The following PPP3CA variants were observed in gnomAD, a reference collection of about 807,000 sequenced individuals.
PPP3CA encodes the protein CAM-PRP catalytic subunit.
In PPP3CA, 14 loss-of-function variants were observed where a neutral mutation model predicts 66.5. That is an observed-to-expected ratio of 0.21 (90% confidence interval 0.14 to 0.33). PPP3CA has a LOEUF of 0.33. Among genes scored for constraint, PPP3CA ranks in the 10% least tolerant of loss-of-function variants. The pLI is 1.00. For synonymous variants in PPP3CA, 232 were observed against 226.2 expected, an observed-to-expected ratio of 1.03 and a Z score of -0.23; for missense variants, 317 against 639.5, an observed-to-expected ratio of 0.50 and a Z score of 5.44.
intron 10 of PPP3CA, among the ~76,000 whole-genome samples, chr4:101,042,224 G>T: frequency 7.6e-6 from 1 of 130,784 alleles, no homozygotes; most frequent in East Asian, 2.2e-4. Context: ...GAAAACATAT[G>T]GGTCACTTTC....
Position 101,131,531 on chromosome 4 carries a change from T to C in PPP3CA, c.260-22453A>G, listed in dbSNP as rs1722439118. Among the ~76,000 whole-genome samples, 3 of 150,100 alleles carry C rather than the reference T, an allele frequency of 2.0e-5. No homozygotes were observed. In the South Asian group the frequency reaches 6.3e-4, roughly 31 times the overall value. On this transcript the variant is annotated intron_variant, in intron 2 of 13. Coordinates refer to ENST00000394854, the MANE Select transcript of PPP3CA (RefSeq NM_000944.5). Reference sequence around the variant, plus strand: ...AGGGCATTACATAATGGTAAAGGGATCAATGCAACAAGAAGAGCTAACTAT... The same window carrying C: ...AGGGCATTACATAATGGTAAAGGGACCAATGCAACAAGAAGAGCTAACTAT...
At position 101,346,958 on chromosome 4, in the gene PPP3CA, G is replaced by A; in HGVS notation, c.-162C>T. On this transcript the variant is annotated 5_prime_UTR_variant, in exon 1 of 14. Transcript: ENST00000394854. ...GCTCTGAGCTGGCTTTAAAGTTGCT[G>A]CCTTTTCCGCGCGTCCCTCCTCCGC... The A allele has an allele frequency of 2.6e-6, 2 of 770,638 alleles. No homozygotes were observed. The allele number at this position is 770,638 out of a possible 1,614,324, so 47.7% of individuals were successfully genotyped here. A position where few individuals can be genotyped will look rare whatever the true frequency, so the allele number is the denominator to read the frequency against.
chr4:101,052,231 T>C (rs1728042641), intron 10 of PPP3CA, among the ~76,000 whole-genome samples: 4 of 152,076 alleles, frequency 2.6e-5, no homozygotes, highest in Admixed American at 2.6e-4. Flanking sequence ...AAGGCCAGAT[T>C]TGATGAAACT....
chr4:101,150,089 A>G (rs1247309504), intron 2 of PPP3CA, among the ~76,000 whole-genome samples: 1 of 152,194 alleles, frequency 6.6e-6, no homozygotes, highest in Non-Finnish European at 1.5e-5. Flanking sequence ...TATTTTGAGT[A>G]GAATGATAAT....
At chr4:101,129,917 A>T (rs1246144200) in intron 2 of PPP3CA, among the ~76,000 whole-genome samples, 1 of 152,172 alleles carries the variant, frequency 6.6e-6, no homozygotes, top group East Asian at 1.9e-4. Context: ...TGACAGAAGT[A>T]GGCTTCAGAG....
At chr4:101,181,138 A>G (rs997920928) in intron 2 of PPP3CA, among the ~76,000 whole-genome samples, 1 of 152,130 alleles carries the variant, frequency 6.6e-6, no homozygotes, top group South Asian at 2.1e-4. Flanking sequence ...AATATTGGTA[A>G]GTACTTTTTT....
At chr4:101,231,327 G>T (rs1725956540) in intron 1 of PPP3CA, among the ~76,000 whole-genome samples, 1 of 151,738 alleles carries the variant, frequency 6.6e-6, no homozygotes, top group Non-Finnish European at 1.5e-5. Context: ...CTAGAGAACA[G>T]ACTCCATGAT....
intron 1 of PPP3CA, among the ~76,000 whole-genome samples, chr4:101,224,025 T>C (rs1207689987): frequency 6.6e-6 from 1 of 151,720 alleles, no homozygotes; most frequent in Admixed American, 6.6e-5. Context: ...TACTCTAAAT[T>C]AAACTAAAAT....
chr4:101,054,255 C>G (rs1415208892), intron 10 of PPP3CA, among the ~76,000 whole-genome samples: 1 of 151,778 alleles, frequency 6.6e-6, no homozygotes, highest in Admixed American at 6.6e-5. Context: ...AATCACAGCA[C>G]AAAAAAAGCT....
intron 1 of PPP3CA, among the ~76,000 whole-genome samples, chr4:101,300,806 T>C (rs1287715714): frequency 1.3e-5 from 2 of 152,046 alleles, no homozygotes; most frequent in Non-Finnish European, 2.9e-5. Context: ...TAATATTTCA[T>C]ATAGTAGTCC....
intron 1 of PPP3CA, among the ~76,000 whole-genome samples, chr4:101,222,021 T>C (rs750046284): frequency 6.6e-6 from 1 of 151,530 alleles, no homozygotes; most frequent in Non-Finnish European, 1.5e-5. Context: ...TCTTTAACGA[T>C]CTATTGAATT....
At chr4:101,063,460 A>G in intron 8 of PPP3CA, 103 bp from the exon 9 acceptor site, 1 of 1,371,576 alleles carries the variant, frequency 7.3e-7, no homozygotes, top group East Asian at 2.4e-5. Flanking sequence ...CTGAAGTTCC[A>G]AAACATCCAG....
intron 1 of PPP3CA, among the ~76,000 whole-genome samples, chr4:101,281,094 T>C (rs954777882): frequency 6.6e-6 from 1 of 152,168 alleles, no homozygotes; most frequent in South Asian, 2.1e-4. Context: ...TTAAATGCTA[T>C]GCTAAGTCAA....
chr4:101,127,558 A>G (rs1446556868), intron 2 of PPP3CA, among the ~76,000 whole-genome samples: 1 of 152,150 alleles, frequency 6.6e-6, no homozygotes, highest in Non-Finnish European at 1.5e-5. Flanking sequence ...ATCTACTTCT[A>G]GAGGTTTCAG....
intron 1 of PPP3CA, among the ~76,000 whole-genome samples, chr4:101,269,553 C>CGTGTGT (rs55721209): frequency 0.062 from 8,363 of 135,766 alleles, 303 homozygotes; most frequent in Non-Finnish European, 0.077. Context: ...AAACAAGGAA[C>CGTGTGT]GTGTGTGTGT....
At chr4:101,088,772 C>T (rs1729785443) in intron 6 of PPP3CA, among the ~76,000 whole-genome samples, 2 of 151,764 alleles carry the variant, frequency 1.3e-5, no homozygotes, top group African/African-American at 4.8e-5. Context: ...AAGCAGAGAG[C>T]TCAGGTGTGA....
At chr4:101,263,474 G>A (rs1727070171) in intron 1 of PPP3CA, among the ~76,000 whole-genome samples, 1 of 152,012 alleles carries the variant, frequency 6.6e-6, no homozygotes, top group Non-Finnish European at 1.5e-5. Flanking sequence ...CTTCACAGAG[G>A]GCAATAAGGC....
intron 1 of PPP3CA, among the ~76,000 whole-genome samples, chr4:101,235,333 C>A (rs980130758): frequency 3.3e-5 from 5 of 151,750 alleles, no homozygotes; most frequent in Non-Finnish European, 5.9e-5. Flanking sequence ...GTTGCCCACT[C>A]TTCCTGCCAA....
intron 6 of PPP3CA, among the ~76,000 whole-genome samples, chr4:101,088,653 T>C (rs1729778985): frequency 6.8e-6 from 1 of 148,136 alleles, no homozygotes; most frequent in East Asian, 2.0e-4. Flanking sequence ...AATGCTCAGC[T>C]AATGTGTGCT....
Sources: gnomAD v4.1 joint callset for allele counts (sites outside exome capture counted in the v4.1 genomes callset) on GRCh38, gnomAD v4.1.1 for gene constraint, MANE v1.5 for transcripts, NCBI Gene and HGNC (gene_info 2026-07-23, HGNC 2026-07-21) for gene names.